Variants in WLS observed in about 807,000 individuals in gnomAD.
WLS encodes the protein Wnt ligand secretion mediator, also known as protein wntless homolog.
A neutral mutation model predicts 62.8 loss-of-function variants in WLS; 23 were observed. The observed-to-expected ratio is 0.37, with a 90% confidence interval of 0.26 to 0.52. The LOEUF is 0.52. WLS is among the 20% of genes least tolerant of loss of function. The pLI, the probability that WLS is intolerant of heterozygous loss-of-function variation, is 0.92. For synonymous variants in WLS, 246 were observed against 244.1 expected (o/e 1.01, Z -0.07); for missense variants, 615 against 697.3 (o/e 0.88, Z 1.33).
intron 9 of WLS, among the ~76,000 whole-genome samples, chr1:68,145,502 G>C (rs1238446837): frequency 6.6e-6 from 1 of 152,020 alleles, no homozygotes; most frequent in African/African-American, 2.4e-5. Context: ...TACAGGACAG[G>C]GTTGATTCTG....
At chr1:68,221,286 G>T (rs1469268694) in intron 1 of WLS, among the ~76,000 whole-genome samples, 6 of 152,124 alleles carry the variant, frequency 3.9e-5, no homozygotes, top group Admixed American at 1.3e-4. Flanking sequence ...TCCCACAGTT[G>T]CCTGTCACAG....
chr1:68,181,114 TCTTAA>T (rs1216204024), intron 2 of WLS, among the ~76,000 whole-genome samples: 7 of 152,148 alleles, frequency 4.6e-5, no homozygotes, highest in African/African-American at 1.2e-4. Flanking sequence ...CAGAAAATAA[TCTTAA>T]CTTCATTTTT....
intron 5 of WLS, among the ~76,000 whole-genome samples, chr1:68,151,284 A>G (rs1646822034): frequency 6.6e-6 from 1 of 152,192 alleles, no homozygotes; most frequent in African/African-American, 2.4e-5. Context: ...CATGTGGCAC[A>G]TCAGGAAATG....
intron 2 of WLS, among the ~76,000 whole-genome samples, chr1:68,178,753 TATG>T (rs1647384196): frequency 6.6e-6 from 1 of 151,544 alleles, no homozygotes; most frequent in South Asian, 2.1e-4. Flanking sequence ...AAAAGAGGGT[TATG>T]ATGGTTTCTG....
chr1:68,218,764 T>A (rs908027882), intron 1 of WLS, among the ~76,000 whole-genome samples: 3 of 152,226 alleles, frequency 2.0e-5, no homozygotes, highest in Non-Finnish European at 2.9e-5. Flanking sequence ...CCTGAAGGAA[T>A]GTGCGAATGA....
At chr1:68,217,327 C>T (rs1251078834) in intron 1 of WLS, among the ~76,000 whole-genome samples, 1 of 152,204 alleles carries the variant, frequency 6.6e-6, no homozygotes, top group Admixed American at 6.5e-5. Context: ...CCTTTCTACT[C>T]AATTACCCCC....
chr1:68,119,102 A>C (rs1051667429), intron 11 of WLS, among the ~76,000 whole-genome samples: 4 of 152,142 alleles, frequency 2.6e-5, no homozygotes, highest in South Asian at 2.1e-4. Flanking sequence ...AAAATTATGA[A>C]CCATCCTTTT....
intron 2 of WLS, among the ~76,000 whole-genome samples, chr1:68,184,153 C>T (rs1647765156): frequency 6.6e-6 from 1 of 152,168 alleles, no homozygotes; most frequent in Admixed American, 6.5e-5. Context: ...AGGCTTTCTG[C>T]CAATGGCTCT....
At chr1:68,175,814 T>A (rs936979277) in intron 2 of WLS, among the ~76,000 whole-genome samples, 3 of 152,120 alleles carry the variant, frequency 2.0e-5, no homozygotes, top group Non-Finnish European at 4.4e-5. Context: ...CATACCAGCA[T>A]GACTATACAA....
chr1:68,161,995 G>A (rs1450111509), intron 2 of WLS: 12 of 1,602,642 alleles, frequency 7.5e-6, no homozygotes, highest in East Asian at 2.2e-5. Context: ...TGACCAAGGC[G>A]CTGATGTGAC....
intron 2 of WLS, among the ~76,000 whole-genome samples, chr1:68,191,058 CAAAAA>C (rs10590224): frequency 1.5e-5 from 2 of 131,274 alleles, no homozygotes; most frequent in African/African-American, 2.9e-5. Context: ...AACTCAGACT[CAAAAA>C]AAAAAAAAAA....
At chr1:68,186,565 A>G (rs1213686775) in intron 2 of WLS, 2 of 455,460 alleles carry the variant, frequency 4.4e-6, no homozygotes, top group Admixed American at 4.7e-5. Flanking sequence ...GTTACAGGTG[A>G]ATCTCTGATA....
intron 1 of WLS, among the ~76,000 whole-genome samples, chr1:68,230,582 T>C (rs75722747): frequency 6.5e-4 from 92 of 142,508 alleles, no homozygotes; most frequent in East Asian, 5.7e-3. Context: ...TGTGTGTGTG[T>C]GCGCGCGTGT....
intron 1 of WLS, among the ~76,000 whole-genome samples, chr1:68,208,661 T>C (rs1479459072): frequency 6.6e-6 from 1 of 152,216 alleles, no homozygotes; most frequent in Non-Finnish European, 1.5e-5. Context: ...GCCTGTTTCT[T>C]TGACAGAATC....
chr1:68,099,369 C>G (rs563716244), intron 11 of WLS, among the ~76,000 whole-genome samples: 14 of 152,224 alleles, frequency 9.2e-5, no homozygotes, highest in African/African-American at 3.1e-4. Flanking sequence ...ACGCACACTC[C>G]CAGGGCTTGT....
intron 2 of WLS, among the ~76,000 whole-genome samples, chr1:68,173,183 A>G (rs1647179657): frequency 6.6e-6 from 1 of 152,278 alleles, no homozygotes; most frequent in Non-Finnish European, 1.5e-5. Flanking sequence ...ACAAAGCTAG[A>G]GAACTCAGAA....
chr1:68,180,874 A>C (rs973442603), intron 2 of WLS, among the ~76,000 whole-genome samples: 1 of 152,210 alleles, frequency 6.6e-6, no homozygotes, highest in African/African-American at 2.4e-5. Context: ...GACCAGAACA[A>C]AGCCAGAACC....
Position 68,134,972 on chromosome 1 carries a change from C to T in WLS, c.1516+2808G>A, listed in dbSNP as rs149103026. 1.8e-3 allele frequency among the ~76,000 whole-genome samples: 274 copies of T among 152,296 alleles called. 2 individuals are homozygous for T. Among genetic ancestry groups the T allele is most frequent in the Middle Eastern group, 0.017 (5 of 294 alleles). ...CTGCAGGGTTGGCCACAGCTCTGGG[C>T]TCCCACTTGCTGAACAGTGTTAAAG... On this transcript the variant is annotated intron_variant, in intron 11 of 11. Transcript: ENST00000262348.
At chr1:68,210,947 T>C (rs1386403418) in intron 1 of WLS, among the ~76,000 whole-genome samples, 1 of 152,150 alleles carries the variant, frequency 6.6e-6, no homozygotes, top group African/African-American at 2.4e-5. Flanking sequence ...AGCTTTCTGC[T>C]GTCTTCCAAC....
Sources: gnomAD v4.1 joint callset for allele counts (sites outside exome capture counted in the v4.1 genomes callset) on GRCh38, gnomAD v4.1.1 for gene constraint, MANE v1.5 for transcripts, NCBI Gene and HGNC (gene_info 2026-07-23, HGNC 2026-07-21) for gene names.